MEI4: variants seen among roughly 807,000 people sequenced by gnomAD.
MEI4 encodes the protein meiotic double-stranded break formation protein 4.
In MEI4, 27 loss-of-function variants were observed where a neutral mutation model predicts 31.4. The observed-to-expected ratio is 0.86, with a 90% CI of 0.63 to 1.19. The LOEUF (loss-of-function observed/expected upper bound fraction) is 1.19, where lower values mean the gene tolerates loss of function less well. Among genes scored for constraint, MEI4 ranks in the 50% most tolerant of loss-of-function variants. The pLI, the probability that MEI4 is intolerant of heterozygous loss-of-function variation, is 0.00. For synonymous variants in MEI4, 122 were observed against 145.4 expected (o/e 0.84, Z 1.16); for missense variants, 329 against 398.9 (o/e 0.82, Z 1.49).
At position 77,925,855 on chromosome 6, in the gene MEI4, C is replaced by CAT. The variant is rs1766830725; in HGVS notation, c.*2517_*2518dup. ...AAATATATGAATAAGTAATATTATACATATATATACGATATGTATAATAAA... is the reference window on the plus strand; with the variant it reads ...AAATATATGAATAAGTAATATTATACATATATATATACGATATGTATAATAAA... On this transcript the variant is annotated 3_prime_UTR_variant, in exon 5 of 5. Transcript: ENST00000684080. 2 of 148,166 alleles carry CAT rather than the reference C, an allele frequency of 1.3e-5. No homozygotes were observed. Among genetic ancestry groups the CAT allele is most frequent in the Non-Finnish European group, 3.0e-5 (2 of 67,232 alleles). 9.2% of individuals were successfully genotyped at this position (148,166 alleles called of 1,614,324 possible).
At chr6:77,706,736 C>T (rs989273617) in intron 2 of MEI4, among the ~76,000 whole-genome samples, 34 of 152,034 alleles carry the variant, frequency 2.2e-4, no homozygotes, top group Non-Finnish European at 1.3e-4. Context: ...CATGTGAGCT[C>T]TGGTTGTGTA....
At chr6:77,663,999 C>T (rs987432259) in intron 1 of MEI4, among the ~76,000 whole-genome samples, 8 of 152,168 alleles carry the variant, frequency 5.3e-5, no homozygotes, top group African/African-American at 1.9e-4. Context: ...GGCCCAGTGG[C>T]CAGATTTCCG....
intron 3 of MEI4, among the ~76,000 whole-genome samples, chr6:77,816,891 T>C (rs867888287): frequency 1.8e-4 from 28 of 152,296 alleles, no homozygotes; most frequent in African/African-American, 5.8e-4. Context: ...AAATATTCTT[T>C]AGTAACTTGC....
chr6:77,904,809 T>G (rs1766257444), intron 4 of MEI4, among the ~76,000 whole-genome samples: 1 of 152,136 alleles, frequency 6.6e-6, no homozygotes, highest in Non-Finnish European at 1.5e-5. Flanking sequence ...CTCCCCACAT[T>G]TTATGTTTTC....
intron 2 of MEI4, among the ~76,000 whole-genome samples, chr6:77,706,890 A>G (rs1348752972): frequency 1.3e-5 from 2 of 152,160 alleles, no homozygotes; most frequent in East Asian, 1.9e-4. Flanking sequence ...TATACAGCCT[A>G]TAGAACCACG....
intron 2 of MEI4, among the ~76,000 whole-genome samples, chr6:77,710,919 T>C (rs924411736): frequency 6.6e-6 from 1 of 152,258 alleles, no homozygotes; most frequent in Non-Finnish European, 1.5e-5. Context: ...TTTTCATTAT[T>C]CATCTCACTT....
chr6:77,762,763 A>G (rs1768074448), intron 3 of MEI4, among the ~76,000 whole-genome samples: 1 of 152,180 alleles, frequency 6.6e-6, no homozygotes, highest in Non-Finnish European at 1.5e-5. Flanking sequence ...AAACTTTGTG[A>G]GTAAGCTTCG....
chr6:77,908,021 T>C (rs13216795), intron 4 of MEI4, among the ~76,000 whole-genome samples: 10 of 151,438 alleles, frequency 6.6e-5, no homozygotes, highest in Non-Finnish European at 1.2e-4. Context: ...TAAATTTGTT[T>C]GAGTTCATTG....
At chr6:77,913,458 T>C (rs1427239635) in intron 4 of MEI4, among the ~76,000 whole-genome samples, 1 of 152,270 alleles carries the variant, frequency 6.6e-6, no homozygotes, top group East Asian at 1.9e-4. Flanking sequence ...CTGATACAAT[T>C]TCATTACTTG....
chr6:77,789,236 C>T (rs1044017243), intron 3 of MEI4, among the ~76,000 whole-genome samples: 1 of 152,174 alleles, frequency 6.6e-6, no homozygotes, highest in African/African-American at 2.4e-5. Context: ...CTTCCTTACA[C>T]CTTATACAAA....
intron 2 of MEI4, among the ~76,000 whole-genome samples, chr6:77,743,600 C>T (rs758553692): frequency 1.4e-4 from 21 of 152,294 alleles, no homozygotes; most frequent in Admixed American, 1.3e-3. Flanking sequence ...TGTCTGTCAG[C>T]TTTGAAGATA....
intron 1 of MEI4, among the ~76,000 whole-genome samples, chr6:77,668,666 T>C (rs1335936336): frequency 6.6e-6 from 1 of 152,230 alleles, no homozygotes; most frequent in East Asian, 1.9e-4. Flanking sequence ...TCTGAGCCTC[T>C]GTTGATAAAG....
At chr6:77,887,144 A>G (rs1771639359) in intron 4 of MEI4, among the ~76,000 whole-genome samples, 1 of 150,088 alleles carries the variant, frequency 6.7e-6, no homozygotes, top group Non-Finnish European at 1.5e-5. Context: ...TTAGTATCTC[A>G]TAGTATGTTG....
intron 4 of MEI4, among the ~76,000 whole-genome samples, chr6:77,843,944 T>G (rs1472129500): frequency 2.0e-5 from 3 of 152,162 alleles, no homozygotes; most frequent in Admixed American, 6.6e-5. Flanking sequence ...CTGTTGCTAA[T>G]GAGTTTAATG....
intron 2 of MEI4, among the ~76,000 whole-genome samples, chr6:77,753,827 A>G (rs1480482807): frequency 6.6e-6 from 1 of 152,210 alleles, no homozygotes; most frequent in East Asian, 1.9e-4. Context: ...CACTGTTCAC[A>G]ATAGCAAAGA....
chr6:77,774,642 T>C (rs1032807055), intron 3 of MEI4, among the ~76,000 whole-genome samples: 3 of 151,928 alleles, frequency 2.0e-5, no homozygotes, highest in Non-Finnish European at 2.9e-5. Context: ...AACATGTCAT[T>C]CTAAGACAGT....
At chr6:77,877,714 C>CCT (rs1491475771) in intron 4 of MEI4, among the ~76,000 whole-genome samples, 1 of 99,874 alleles carries the variant, frequency 1.0e-5, no homozygotes, top group Admixed American at 9.9e-5. Context: ...AAGCAGTCAG[C>CCT]CTTTTTTTTT....
chr6:77,902,689 T>G (rs1766209533), intron 4 of MEI4, among the ~76,000 whole-genome samples: 1 of 152,116 alleles, frequency 6.6e-6, no homozygotes, highest in African/African-American at 2.4e-5. Context: ...CTGAGATAAA[T>G]GGATATCTGA....
chr6:77,793,264 G>T (rs1445333748), intron 3 of MEI4, among the ~76,000 whole-genome samples: 1 of 152,024 alleles, frequency 6.6e-6, no homozygotes, highest in Non-Finnish European at 1.5e-5. Flanking sequence ...AGTGCTGAAA[G>T]AAAAAAGGCA....
Sources: allele counts gnomAD v4.1 joint callset (sites outside exome capture counted in the v4.1 genomes callset), GRCh38; gene constraint gnomAD v4.1.1; transcripts MANE v1.5; gene names NCBI Gene and HGNC (gene_info 2026-07-23, HGNC 2026-07-21).